Variants in TACR3 observed in about 807,000 individuals in gnomAD.
The protein encoded by TACR3 is tachykinin receptor 3.
TACR3 carries 34 observed loss-of-function variants against 35.0 expected under a neutral mutation model. The observed-to-expected ratio is 0.97, with a 90% CI of 0.74 to 1.30. The LOEUF is 1.30. Among genes scored for constraint, TACR3 ranks in the 50% most tolerant of loss-of-function variants. The pLI is 0.00. For synonymous variants in TACR3, 233 were observed against 221.1 expected, an observed-to-expected ratio of 1.05 and a Z score of -0.48; for missense variants, 558 against 591.7, an observed-to-expected ratio of 0.94 and a Z score of 0.59.
intron 3 of TACR3, among the ~76,000 whole-genome samples, chr4:103,626,332 A>T (rs17225298): frequency 6.6e-6 from 1 of 152,202 alleles, no homozygotes; most frequent in Non-Finnish European, 1.5e-5. Flanking sequence ...GAGCCTGGTC[A>T]TATGTCACCT....
At chr4:103,696,831 C>T (rs1293619246) in intron 1 of TACR3, among the ~76,000 whole-genome samples, 1 of 152,164 alleles carries the variant, frequency 6.6e-6, no homozygotes, top group Non-Finnish European at 1.5e-5. Flanking sequence ...TCAAATTTTA[C>T]TTCCAGCATT....
intron 1 of TACR3, among the ~76,000 whole-genome samples, chr4:103,686,556 G>A (rs1722246244): frequency 6.6e-6 from 1 of 152,126 alleles, no homozygotes; most frequent in Non-Finnish European, 1.5e-5. Context: ...CCCCAAGGTG[G>A]AGTGGAAAAA....
In TACR3 at chr4:103,599,724, T is replaced by G. The variant is rs191168222; in HGVS notation, c.889-8041A>C. Among the ~76,000 whole-genome samples the G allele has an allele frequency of 1.8e-3, 278 of 152,342 alleles. No individual in the cohort carries two copies. In the Middle Eastern group the frequency reaches 0.024, roughly 13 times the overall value. ...TCTATTGAGATAGTCATGTGCTTTT[T>G]GTCATTGGTTCTGTTTATATGCTGG... On this transcript the variant is annotated intron_variant, in intron 3 of 4. Transcript: ENST00000304883.
At chr4:103,625,364 G>A (rs1046876629) in intron 3 of TACR3, among the ~76,000 whole-genome samples, 3 of 151,880 alleles carry the variant, frequency 2.0e-5, no homozygotes, top group Non-Finnish European at 4.4e-5. Context: ...CAAAGATTAT[G>A]TACAAATGAA....
intron 1 of TACR3, among the ~76,000 whole-genome samples, chr4:103,713,229 T>C (rs1723010052): frequency 6.6e-6 from 1 of 152,074 alleles, no homozygotes; most frequent in Non-Finnish European, 1.5e-5. Context: ...CCAACCCAAA[T>C]GTCCATCAAT....
chr4:103,598,224 T>C (rs1724089707), intron 3 of TACR3, among the ~76,000 whole-genome samples: 2 of 152,254 alleles, frequency 1.3e-5, no homozygotes, highest in African/African-American at 4.8e-5. Flanking sequence ...CATTTTTTCA[T>C]GTGTTTTTCG....
chr4:103,599,096 T>C (rs977877575), intron 3 of TACR3, among the ~76,000 whole-genome samples: 1 of 152,206 alleles, frequency 6.6e-6, no homozygotes, highest in Non-Finnish European at 1.5e-5. Context: ...ACATGGAATG[T>C]TCTTCCATTT....
rs79247558 is a variant in TACR3 at position 103,690,328 on chromosome 4, G to A, written c.548+28800C>T. 2.9e-3 allele frequency among the ~76,000 whole-genome samples: 434 copies of A among 152,200 alleles called. 4 individuals are homozygous for A. Among genetic ancestry groups the A allele is most frequent in the Non-Finnish European group, 5.1e-3 (344 of 67,964 alleles). ...AACACACCATGCAAACATTAAATGA[G>A]AGTAAATGAGTAAAAATACAAGAAA... On this transcript the variant is annotated intron_variant, in intron 1 of 4. Transcript: ENST00000304883.
chr4:103,680,223 T>C (rs1481495061), intron 1 of TACR3, among the ~76,000 whole-genome samples: 1 of 151,466 alleles, frequency 6.6e-6, no homozygotes, highest in Non-Finnish European at 1.5e-5. Flanking sequence ...TGAGCTTGGG[T>C]ACTTTTTATT....
chr4:103,600,878 A>G (rs1724182076), intron 3 of TACR3, among the ~76,000 whole-genome samples: 1 of 152,136 alleles, frequency 6.6e-6, no homozygotes. Context: ...CTTTACTTCC[A>G]ACTATGTGGT....
At position 103,589,371 on chromosome 4, in the gene TACR3, A is replaced by G. The variant is rs1723840593; in HGVS notation, c.*311T>C. 1 of 294,664 alleles carries G rather than the reference A, an allele frequency of 3.4e-6. No homozygotes were observed. The highest frequency in any genetic ancestry group is 6.5e-6 in the Non-Finnish European group (1 of 153,726). 18.3% of individuals were successfully genotyped at this position (294,664 alleles called of 1,614,324 possible). The stretch of plus-strand genomic sequence containing the variant: ...TATCATTTTAATGTCACAAATGTAT[A>G]TTGCAATTTGTAAATGAGATAGACT... On this transcript the variant is annotated 3_prime_UTR_variant, in exon 5 of 5. Transcript: ENST00000304883.
intron 1 of TACR3, among the ~76,000 whole-genome samples, chr4:103,660,903 T>C (rs1024615699): frequency 2.0e-5 from 3 of 152,032 alleles, no homozygotes; most frequent in Non-Finnish European, 1.5e-5. Flanking sequence ...GTAATAGGGT[T>C]ACATACATCA....
chr4:103,599,362 A>G (rs201726020), intron 3 of TACR3, among the ~76,000 whole-genome samples: 4 of 152,256 alleles, frequency 2.6e-5, no homozygotes, highest in African/African-American at 9.6e-5. Flanking sequence ...GGGCTGAGAC[A>G]ATGGGGTTTT....
At chr4:103,668,537 A>AT (rs1020061463) in intron 1 of TACR3, among the ~76,000 whole-genome samples, 13 of 151,818 alleles carry the variant, frequency 8.6e-5, no homozygotes, top group Non-Finnish European at 1.5e-4. Flanking sequence ...TCAATCTTTA[A>AT]TTTTTTTTGA....
At chr4:103,702,019 G>A (rs887600774) in intron 1 of TACR3, among the ~76,000 whole-genome samples, 1 of 152,128 alleles carries the variant, frequency 6.6e-6, no homozygotes, top group African/African-American at 2.4e-5. Flanking sequence ...AACACCAAAA[G>A]CAATGGCAAC....
intron 1 of TACR3, among the ~76,000 whole-genome samples, chr4:103,679,840 A>T (rs1327700076): frequency 6.6e-5 from 10 of 151,940 alleles, no homozygotes; most frequent in Admixed American, 6.6e-4. Flanking sequence ...GATATCAATT[A>T]TCTCTAACAA....
chr4:103,673,589 A>G (rs186276495), intron 1 of TACR3, among the ~76,000 whole-genome samples: 3 of 152,310 alleles, frequency 2.0e-5, no homozygotes, highest in Non-Finnish European at 1.5e-5. Context: ...ATAGGTCACC[A>G]GAACAGATAT....
At chr4:103,637,865 G>A (rs1271492972) in intron 3 of TACR3, among the ~76,000 whole-genome samples, 1 of 152,036 alleles carries the variant, frequency 6.6e-6, no homozygotes, top group African/African-American at 2.4e-5. Flanking sequence ...AAAAAACCTA[G>A]GGATCCAACT....
At chr4:103,680,174 T>C (rs950641041) in intron 1 of TACR3, among the ~76,000 whole-genome samples, 1 of 151,588 alleles carries the variant, frequency 6.6e-6, no homozygotes, top group African/African-American at 2.4e-5. Context: ...TGTTTCATCA[T>C]ATGGGTGACG....
Sources: gnomAD v4.1 joint callset for allele counts (sites outside exome capture counted in the v4.1 genomes callset) on GRCh38, gnomAD v4.1.1 for gene constraint, MANE v1.5 for transcripts, NCBI Gene and HGNC (gene_info 2026-07-23, HGNC 2026-07-21) for gene names.